The following FARP1 variants were observed in gnomAD, a reference collection of about 807,000 sequenced individuals.
FARP1 encodes the protein FERM, ARHGEF and pleckstrin domain-containing protein 1.
FARP1 carries 52 observed loss-of-function variants against 128.8 expected under a neutral mutation model. That is an observed-to-expected ratio of 0.40 (90% CI 0.32 to 0.51). The LOEUF is 0.51. Among genes scored for constraint, FARP1 ranks in the 20% least tolerant of loss-of-function variants. The pLI is 0.45. For synonymous variants in FARP1, 580 were observed against 551.8 expected, an observed-to-expected ratio of 1.05 and a Z score of -0.72; for missense variants, 1,333 against 1,367.9, an observed-to-expected ratio of 0.97 and a Z score of 0.40.
rs1194241149 is a variant in FARP1 at position 98,449,087 on chromosome 13, A to C, written c.*770A>C. ...GAGTGGTGTACACAATGGGAAGATAATAAGCCGTGGTGTTTTGCTGTCTGT... is the reference window on the plus strand; with the variant it reads ...GAGTGGTGTACACAATGGGAAGATACTAAGCCGTGGTGTTTTGCTGTCTGT... On this transcript the variant is annotated 3_prime_UTR_variant, in exon 27 of 27. Coordinates refer to ENST00000319562, the MANE Select transcript of FARP1 (RefSeq NM_005766.4). The C allele has an allele frequency of 1.3e-5, 2 of 152,212 alleles. No individual in the cohort carries two copies. The highest frequency in any genetic ancestry group is 6.5e-5 in the Admixed American group (1 of 15,282). 9.4% of individuals were successfully genotyped at this position (152,212 alleles called of 1,614,324 possible). A position where few individuals can be genotyped will look rare whatever the true frequency, so the allele number is the denominator to read the frequency against.
At chr13:98,192,126 G>A (rs1307036044) in intron 1 of FARP1, among the ~76,000 whole-genome samples, 1 of 151,924 alleles carries the variant, frequency 6.6e-6, no homozygotes, top group South Asian at 2.1e-4. Context: ...AACAAATTGA[G>A]TCCTCTGCAT....
intron 5 of FARP1, among the ~76,000 whole-genome samples, chr13:98,375,916 C>T (rs9584823): frequency 0.017 from 2,513 of 152,098 alleles, 73 homozygotes; most frequent in African/African-American, 0.058. Context: ...AGCGTGCGGC[C>T]CCAACAGGTA....
chr13:98,390,410 A>C (rs1234689810), intron 10 of FARP1, among the ~76,000 whole-genome samples: 1 of 152,234 alleles, frequency 6.6e-6, no homozygotes, highest in Non-Finnish European at 1.5e-5. Flanking sequence ...GTTGCTTCAT[A>C]GAATATGTGG....
chr13:98,211,855 C>G (rs1046166344), intron 1 of FARP1, among the ~76,000 whole-genome samples: 1 of 152,186 alleles, frequency 6.6e-6, no homozygotes, highest in African/African-American at 2.4e-5. Context: ...GTTAAGCAGC[C>G]AGTATTGACC....
At chr13:98,327,113 C>G (rs1259134835) in intron 2 of FARP1, among the ~76,000 whole-genome samples, 1 of 152,212 alleles carries the variant, frequency 6.6e-6, no homozygotes, top group Non-Finnish European at 1.5e-5. Context: ...ACTGTAGATT[C>G]ACATTTCGAA....
intron 15 of FARP1, among the ~76,000 whole-genome samples, chr13:98,411,249 T>C (rs1484517385): frequency 6.6e-6 from 1 of 152,186 alleles, no homozygotes; most frequent in Non-Finnish European, 1.5e-5. Flanking sequence ...CCTTTTATTA[T>C]TTTAATCAGT....
At chr13:98,212,685 C>T (rs975112841) in intron 1 of FARP1, among the ~76,000 whole-genome samples, 1 of 152,098 alleles carries the variant, frequency 6.6e-6, no homozygotes, top group African/African-American at 2.4e-5. Flanking sequence ...ACACTAGAAA[C>T]CAAGAAAAAT....
chr13:98,429,616 G>GGC (rs2139041116), intron 17 of FARP1, among the ~76,000 whole-genome samples: 1 of 152,322 alleles, frequency 6.6e-6, no homozygotes, highest in East Asian at 1.9e-4. Context: ...GTGAGTACCT[G>GGC]GCTGGTGGTG....
intron 2 of FARP1, among the ~76,000 whole-genome samples, chr13:98,322,790 A>G (rs113034937): frequency 6.6e-6 from 1 of 152,344 alleles, no homozygotes; most frequent in African/African-American, 2.4e-5. Flanking sequence ...GCACAAAGGC[A>G]GCCGAAACCC....
rs1265231252 is a variant in FARP1 at position 98,450,956 on chromosome 13, ATGC to A, written c.*2643_*2645del. On this transcript the variant is annotated 3_prime_UTR_variant, in exon 27 of 27. Coordinates refer to ENST00000319562, the MANE Select transcript of FARP1 (RefSeq NM_005766.4). ...CAAACCCCACCTCCCCCGACAGGAA[ATGC>A]TGCCAGTCAACTCTAAAAGAACCAC... The A allele has an allele frequency of 6.6e-6, 1 of 152,230 alleles. No individual in the cohort carries two copies. The highest frequency in any genetic ancestry group is 2.4e-5 in the African/African-American group (1 of 41,430). 9.4% of individuals were successfully genotyped at this position (152,230 alleles called of 1,614,324 possible).
intron 6 of FARP1, among the ~76,000 whole-genome samples, chr13:98,379,793 T>C (rs1386820542): frequency 1.3e-5 from 2 of 148,250 alleles, no homozygotes; most frequent in Non-Finnish European, 3.0e-5. Flanking sequence ...CAAGAAAAAA[T>C]ATCTTAGATG....
chr13:98,388,418 G>C lies in FARP1; in HGVS notation c.795G>C (p.Lys265Asn). 1 of 1,614,130 alleles carries C rather than the reference G, an allele frequency of 6.2e-7. No homozygotes were observed. ...FTKINAFNWA[K>N]VRKLSFKRKR... Reference sequence around the variant, plus strand: ...AGATCAATGCCTTCAACTGGGCCAAGGTGCGGAAGCTGAGCTTCAAGAGGA... The same window carrying C: ...AGATCAATGCCTTCAACTGGGCCAACGTGCGGAAGCTGAGCTTCAAGAGGA... Residue 265 changes from lysine (K) to asparagine (N), a missense_variant, in exon 9 of 27, where the codon AAG becomes AAC. Transcript: ENST00000319562.
intron 16 of FARP1, among the ~76,000 whole-genome samples, chr13:98,417,455 G>GAAAAAAA (rs869304302): frequency 5.1e-4 from 30 of 58,482 alleles, no homozygotes; most frequent in Non-Finnish European, 6.0e-4. Context: ...CCAGAGGTTT[G>GAAAAAAA]AAAAAAAAAA....
rs1184398365 is a variant in FARP1, at chr13:98,417,469, A to AGG, written c.1826+5435_1826+5436insGG. ...ACCAGAGGTTTGAAAAAAAAAAAAA[A>AGG]AAAAAAAAAAAAAAAGAACACATGG... On this transcript the variant is annotated intron_variant, in intron 16 of 26. Coordinates refer to ENST00000319562, the MANE Select transcript of FARP1 (RefSeq NM_005766.4). Among the ~76,000 whole-genome samples the AGG allele has an allele frequency of 9.8e-4, 132 of 135,316 alleles. 3 individuals are homozygous for AGG. The highest frequency in any genetic ancestry group is 4.4e-3 in the African/African-American group (128 of 29,024). 88.8% of individuals were successfully genotyped at this position (135,316 alleles called of 152,430 possible).
chr13:98,374,505 G>A (rs992801213), intron 5 of FARP1, among the ~76,000 whole-genome samples: 2 of 151,884 alleles, frequency 1.3e-5, no homozygotes, highest in African/African-American at 2.4e-5. Flanking sequence ...ATGTCATCTG[G>A]GCCTATGTAA....
intron 2 of FARP1, among the ~76,000 whole-genome samples, chr13:98,214,156 G>A (rs529213916): frequency 1.3e-5 from 2 of 152,198 alleles, no homozygotes; most frequent in Non-Finnish European, 2.9e-5. Flanking sequence ...TCTTCTCCGA[G>A]CCCCTGCCTG....
chr13:98,389,987 A>T lies in FARP1; in HGVS notation c.886A>T (p.Met296Leu). The part of the protein sequence containing the change: ...SAYQDTLEFL[M>L]ASRDFCKSFW... The stretch of plus-strand genomic sequence containing the variant: ...GTACCAGGATACCTTGGAATTCCTG[A>T]TGGCCAGTCGGGATTTCTGCAAGTC... Residue 296 changes from methionine (M) to leucine (L), a missense_variant, in exon 10 of 27, where the codon ATG becomes TTG. Met to Leu is a conservative substitution (Grantham distance 15, BLOSUM62 2). Around this residue, in one of 2 missense-constraint regions of FARP1, gnomAD observed 324 missense variants for 398.1 expected, o/e 0.81. Transcript: ENST00000319562. The T allele has an allele frequency of 1.2e-6, 2 of 1,614,140 alleles. No homozygotes were observed. Among genetic ancestry groups the T allele is most frequent in the South Asian group, 1.1e-5 (1 of 91,074 alleles).
chr13:98,189,871 T>A (rs1566721057), intron 1 of FARP1, among the ~76,000 whole-genome samples: 1 of 152,262 alleles, frequency 6.6e-6, no homozygotes, highest in Non-Finnish European at 1.5e-5. Flanking sequence ...TTGGGTTGGC[T>A]ATTCTTGTTG....
At chr13:98,274,333 C>T (rs534451009) in intron 2 of FARP1, among the ~76,000 whole-genome samples, 2 of 152,276 alleles carry the variant, frequency 1.3e-5, no homozygotes, top group South Asian at 4.1e-4. Flanking sequence ...CAGCGTGGGG[C>T]TCCTCCGGTT....
Sources: allele counts gnomAD v4.1 joint callset (sites outside exome capture counted in the v4.1 genomes callset), GRCh38; gene constraint gnomAD v4.1.1; regional missense constraint gnomAD v4.1.1; transcripts MANE v1.5; gene names NCBI Gene and HGNC (gene_info 2026-07-23, HGNC 2026-07-21).